The following CCDC150 variants were observed in gnomAD, a reference collection of about 807,000 sequenced individuals.
The protein encoded by CCDC150 is coiled-coil domain containing 150.
Under a neutral mutation model 156.5 loss-of-function variants are expected in CCDC150, and 151 were observed. The ratio of observed to expected loss-of-function variants is 0.97; its 90% CI spans 0.85 to 1.10. CCDC150 has a LOEUF of 1.10. Ranked by LOEUF, CCDC150 falls within the 50% of genes least tolerant of loss-of-function variation. The pLI is 0.00. For missense variants in CCDC150, 1,312 were observed against 1,268.1 expected (o/e 1.03, Z -0.53); for synonymous variants, 452 against 429.4 (o/e 1.05, Z -0.65).
rs376154930 is a variant in CCDC150, at chr2:196,656,949, G to T, written c.398-9G>T. ...TGCTGCTTGATGCCCCTCCTGTGCG[G>T]TCTGGTAGCTTTTCTGAAAGATCGA... On this transcript the variant is annotated splice_polypyrimidine_tract_variant and intron_variant, in intron 3 of 27. Coordinates refer to ENST00000389175, the MANE Select transcript of CCDC150 (RefSeq NM_001080539.2). 1.5e-5 allele frequency: 25 copies of T among 1,612,946 alleles called. No individual in the cohort carries two copies. The highest frequency in any genetic ancestry group is 2.2e-5 in the South Asian group (2 of 90,970).
rs1697288948 is a variant in CCDC150, at chr2:196,713,574, T to G, written c.1866+835T>G. The G allele has an allele frequency of 3.2e-6, 5 of 1,548,018 alleles. No homozygotes were observed. The African/African-American group carries it at 5.5e-5, about 17-fold the overall frequency. On this transcript the variant is annotated intron_variant, in intron 17 of 27. Coordinates refer to ENST00000389175, the MANE Select transcript of CCDC150 (RefSeq NM_001080539.2). ...GACTCTAGGATCTCTCTAAAGACTC[T>G]TTTGAATGCTATTAAAACCATGGAG...
At chr2:196,653,856 G>A (rs1693023288) in intron 2 of CCDC150, among the ~76,000 whole-genome samples, 1 of 152,156 alleles carries the variant, frequency 6.6e-6, no homozygotes, top group Non-Finnish European at 1.5e-5. Context: ...ATAAAGAAAA[G>A]ACAAATATTT....
At chr2:196,677,420 C>T (rs764141812) in intron 13 of CCDC150, 59 bp downstream of exon 13, 62 of 1,089,372 alleles carry the variant, frequency 5.7e-5, no homozygotes, top group Middle Eastern at 5.0e-4. Context: ...TGCTGACTAC[C>T]GTATCAGCTT....
At chr2:196,708,482 A>G (rs571367603) in intron 15 of CCDC150, among the ~76,000 whole-genome samples, 1 of 152,264 alleles carries the variant, frequency 6.6e-6, no homozygotes, top group African/African-American at 2.4e-5. Flanking sequence ...TGTGTCTTTT[A>G]ATTGGGGCAT....
intron 12 of CCDC150, 85 bp downstream of exon 12, chr2:196,676,816 A>G: frequency 8.0e-7 from 1 of 1,256,928 alleles, no homozygotes; most frequent in Non-Finnish European, 1.1e-6. Flanking sequence ...AGACAAGAAA[A>G]GAAATAAAAC....
chr2:196,688,420 A>G (rs1695243608), intron 13 of CCDC150, among the ~76,000 whole-genome samples: 1 of 152,104 alleles, frequency 6.6e-6, no homozygotes, highest in African/African-American at 2.4e-5. Context: ...GATGTATGGG[A>G]ATGCTAACGA....
At position 196,732,627 on chromosome 2, in the gene CCDC150, G is replaced by A. The variant is rs577968903; in HGVS notation, c.*65G>A. On this transcript the variant is annotated 3_prime_UTR_variant, in exon 28 of 28. Coordinates refer to ENST00000389175, the MANE Select transcript of CCDC150 (RefSeq NM_001080539.2). ...CCATGATTCCAAGAGCCCAGCAGCC[G>A]GGGCTGGCCTGTTTCTAGAGTCATA... 5.0e-5 allele frequency: 55 copies of A among 1,095,512 alleles called. No homozygotes were observed. Among genetic ancestry groups the A allele is most frequent in the African/African-American group, 2.8e-4 (18 of 64,826 alleles). The allele number at this position is 1,095,512 out of a possible 1,614,324, so 67.9% of individuals were successfully genotyped here. A position where few individuals can be genotyped will look rare whatever the true frequency, so the allele number is the denominator to read the frequency against.
At chr2:196,729,642 T>A in intron 23 of CCDC150, 151 bp from the exon 24 acceptor site, 2 of 683,774 alleles carry the variant, frequency 2.9e-6, no homozygotes, top group Non-Finnish European at 5.0e-6. Flanking sequence ...TTTGCTCTTT[T>A]GGGATCAGTG....
chr2:196,695,224 C>G, intron 14 of CCDC150, 65 bp downstream of exon 14: 1 of 817,330 alleles, frequency 1.2e-6, no homozygotes, highest in Non-Finnish European at 2.0e-6. Context: ...TAACAACAAC[C>G]AGAGGTCAGG....
At chr2:196,687,414 C>T (rs975604271) in intron 13 of CCDC150, among the ~76,000 whole-genome samples, 3 of 152,150 alleles carry the variant, frequency 2.0e-5, no homozygotes, top group African/African-American at 7.2e-5. Flanking sequence ...ACATTTATGT[C>T]TTCTTTTAAG....
At chr2:196,656,467 T>C (rs1414523150) in intron 2 of CCDC150, among the ~76,000 whole-genome samples, 166 bp from the exon 3 acceptor site, 2 of 152,120 alleles carry the variant, frequency 1.3e-5, no homozygotes, top group Non-Finnish European at 2.9e-5. Flanking sequence ...TCAGAGGGAA[T>C]TGATTAGTGT....
At chr2:196,678,350 T>G (rs1200704064) in intron 13 of CCDC150, among the ~76,000 whole-genome samples, 1 of 152,240 alleles carries the variant, frequency 6.6e-6, no homozygotes, top group Non-Finnish European at 1.5e-5. Flanking sequence ...CATATATACA[T>G]GTAAACTTTT....
chr2:196,690,110 T>C (rs1193717279), intron 13 of CCDC150, among the ~76,000 whole-genome samples: 1 of 151,786 alleles, frequency 6.6e-6, no homozygotes, highest in Non-Finnish European at 1.5e-5. Context: ...TCATTCTCAG[T>C]AAACTATCGC....
intron 17 of CCDC150, chr2:196,713,428 T>C (rs1697271840): frequency 1.3e-6 from 2 of 1,550,060 alleles, no homozygotes; most frequent in Non-Finnish European, 1.7e-6. Flanking sequence ...CTAGGTCCCA[T>C]GTAAACAGTA....
chr2:196,674,218 A>C, intron 9 of CCDC150, 23 bp from the exon 10 acceptor site: 1 of 1,378,962 alleles, frequency 7.3e-7, no homozygotes, highest in Non-Finnish European at 1.0e-6. Flanking sequence ...GAGACCAATG[A>C]CTTGCTGTGT....
rs748026199 is a variant in CCDC150 at position 196,656,734 on chromosome 2, T to TA, written c.279dup (p.Trp94MetfsTer5). 6.2e-7 allele frequency: 1 copy of TA among 1,613,794 alleles called. No individual in the cohort carries two copies. Among genetic ancestry groups the TA allele is most frequent in the South Asian group, 1.1e-5 (1 of 91,070 alleles). On this transcript the variant is annotated frameshift_variant, in exon 3 of 28. Transcript: ENST00000389175. LOFTEE classifies it high-confidence loss of function. ...ATTTGTGCAGGAAAAACAGATATTT[T>TA]ATGGAAGAACTGTGAGTTTCTGGTA... is the stretch of plus-strand genomic sequence containing the variant.
chr2:196,656,771 C>T lies in CCDC150; in HGVS notation c.315C>T (p.Cys105=). Residue 105 remains cysteine (C), a synonymous_variant, in exon 3 of 28, where the codon TGC becomes TGT. Coordinates refer to ENST00000389175, the MANE Select transcript of CCDC150 (RefSeq NM_001080539.2). ...KNCEFLVNRM[C]RLESLMQSLK... ...GTGAGTTTCTGGTAAATCGAATGTG[C>T]CGTCTTGAAAGCCTCATGCAGTCCT... 1 of 1,613,812 alleles carries T rather than the reference C, an allele frequency of 6.2e-7. No individual in the cohort carries two copies.
At chr2:196,707,943 G>T (rs1458120020) in intron 15 of CCDC150, among the ~76,000 whole-genome samples, 1 of 152,132 alleles carries the variant, frequency 6.6e-6, no homozygotes, top group East Asian at 1.9e-4. Flanking sequence ...GTCAATTTTG[G>T]AATAAGTGTG....
intron 21 of CCDC150, among the ~76,000 whole-genome samples, chr2:196,724,493 T>C (rs913804239): frequency 3.3e-5 from 5 of 152,190 alleles, no homozygotes; most frequent in Non-Finnish European, 2.9e-5. Context: ...TTGGGTAATA[T>C]GCTAAGGACT....
Sources: gnomAD v4.1 joint callset for allele counts (sites outside exome capture counted in the v4.1 genomes callset) on GRCh38, gnomAD v4.1.1 for gene constraint, MANE v1.5 for transcripts, NCBI Gene and HGNC (gene_info 2026-07-23, HGNC 2026-07-21) for gene names.